HSD17B12: variants seen among roughly 807,000 people sequenced by gnomAD.
HSD17B12 encodes very-long-chain 3-oxoacyl-CoA reductase.
HSD17B12 carries 32 observed loss-of-function variants against 39.3 expected under a neutral mutation model. The observed-to-expected ratio is 0.81, with a 90% CI of 0.61 to 1.09. The LOEUF (loss-of-function observed/expected upper bound fraction) is 1.09, where lower values mean the gene tolerates loss of function less well. HSD17B12 is among the 50% of genes least tolerant of loss of function. The pLI is 0.00. For missense variants in HSD17B12, 342 were observed against 382.9 expected (o/e 0.89, Z 0.89); for synonymous variants, 150 against 146.7 (o/e 1.02, Z -0.16).
chr11:43,750,862 T>C lies in HSD17B12; in HGVS notation c.161-49T>C, dbSNP rs374207124. 5.1e-6 allele frequency: 7 copies of C among 1,378,404 alleles called. No homozygotes were observed. In the African/African-American group the frequency reaches 8.7e-5, roughly 17 times the overall value. 85.4% of individuals were successfully genotyped at this position (1,378,404 alleles called of 1,614,324 possible). A position where few individuals can be genotyped will look rare whatever the true frequency, so the allele number is the denominator to read the frequency against. On this transcript the variant is annotated intron_variant, in intron 1 of 10. Transcript: ENST00000278353. ...TTGGTGGGTCCTAACTATGACCAAT[T>C]CCTCAATGTAATTCTTAGACTAAAC...
At chr11:43,713,300 C>T (rs1370945004) in intron 1 of HSD17B12, among the ~76,000 whole-genome samples, 1 of 125,206 alleles carries the variant, frequency 8.0e-6, no homozygotes, top group Non-Finnish European at 1.6e-5. Context: ...TACAACAGGC[C>T]CCAGTGTGTG....
At chr11:43,587,629 G>A in the HSD17B12 span, among the ~76,000 whole-genome samples, 1 of 152,246 alleles carries the variant, frequency 6.6e-6, no homozygotes, top group Non-Finnish European at 1.5e-5. Flanking sequence ...AGGCAAGGCA[G>A]ACGTGGAGCT....
intron 3 of HSD17B12, among the ~76,000 whole-genome samples, chr11:43,791,004 A>G (rs1565090869): frequency 6.6e-6 from 1 of 151,890 alleles, no homozygotes; most frequent in Admixed American, 6.6e-5. Context: ...CAAAAAAACA[A>G]AAAACAAAAT....
chr11:43,733,181 T>C (rs115293841), intron 1 of HSD17B12, among the ~76,000 whole-genome samples: 1 of 152,268 alleles, frequency 6.6e-6, no homozygotes, highest in Non-Finnish European at 1.5e-5. Context: ...CAGTGCATTA[T>C]TGCTGAATGC....
chr11:43,597,462 G>A, the HSD17B12 span, among the ~76,000 whole-genome samples: 2 of 152,134 alleles, frequency 1.3e-5, no homozygotes, highest in African/African-American at 4.8e-5. Flanking sequence ...AAGGACTTTG[G>A]ACTAATTTTT....
At chr11:43,748,120 G>A (rs1233509791) in intron 1 of HSD17B12, among the ~76,000 whole-genome samples, 1 of 152,138 alleles carries the variant, frequency 6.6e-6, no homozygotes, top group African/African-American at 2.4e-5. Flanking sequence ...TTGGATTCCT[G>A]TGCCTCTAAA....
At chr11:43,681,147 GTCT>G in intron 1 of HSD17B12, 160 bp downstream of exon 1, 3 of 1,416,006 alleles carry the variant, frequency 2.1e-6, no homozygotes, top group Non-Finnish European at 2.8e-6. Context: ...TCCCTTGGCT[GTCT>G]TCTGCTTGCT....
the HSD17B12 span, among the ~76,000 whole-genome samples, chr11:43,631,864 C>G: frequency 6.6e-6 from 1 of 152,088 alleles, no homozygotes; most frequent in Non-Finnish European, 1.5e-5. Context: ...ATCGCGGCTT[C>G]GGCTACGGAC....
chr11:43,641,923 T>G, the HSD17B12 span, among the ~76,000 whole-genome samples: 2 of 152,000 alleles, frequency 1.3e-5, no homozygotes, highest in East Asian at 1.9e-4. Flanking sequence ...GTTTCAGAAA[T>G]TATAGAATCT....
intron 1 of HSD17B12, among the ~76,000 whole-genome samples, chr11:43,721,368 C>G (rs1235771290): frequency 1.3e-5 from 2 of 152,032 alleles, no homozygotes; most frequent in Non-Finnish European, 2.9e-5. Flanking sequence ...CCTGTAATCT[C>G]AGCACGTTTG....
intron 9 of HSD17B12, among the ~76,000 whole-genome samples, chr11:43,847,087 TAG>T (rs3049231): frequency 0.65 from 99,449 of 151,912 alleles, 32,890 homozygotes; most frequent in East Asian, 0.75. Context: ...TGGGGAAGTG[TAG>T]AGAGAATGTA....
At chr11:43,633,810 C>T in the HSD17B12 span, among the ~76,000 whole-genome samples, 3 of 151,934 alleles carry the variant, frequency 2.0e-5, no homozygotes, top group African/African-American at 7.2e-5. Flanking sequence ...CACGGTGGCT[C>T]ACACTTGTAA....
chr11:43,747,960 G>C (rs928735100), intron 1 of HSD17B12, among the ~76,000 whole-genome samples: 2 of 152,100 alleles, frequency 1.3e-5, no homozygotes, highest in Non-Finnish European at 2.9e-5. Flanking sequence ...GTGGTGTTGA[G>C]GCTGGTCCCC....
At chr11:43,805,994 A>T (rs542752647) in intron 4 of HSD17B12, among the ~76,000 whole-genome samples, 1 of 152,356 alleles carries the variant, frequency 6.6e-6, no homozygotes, top group Non-Finnish European at 1.5e-5. Context: ...AGTCAGGATT[A>T]GTCAAATGAA....
the HSD17B12 span, among the ~76,000 whole-genome samples, chr11:43,602,818 T>C: frequency 6.6e-6 from 1 of 151,716 alleles, no homozygotes; most frequent in Non-Finnish European, 1.5e-5. Flanking sequence ...GGAACATGGA[T>C]TGAGGTAGAA....
chr11:43,624,323 C>T, the HSD17B12 span, among the ~76,000 whole-genome samples: 4 of 151,814 alleles, frequency 2.6e-5, no homozygotes, highest in Non-Finnish European at 5.9e-5. Context: ...GATATGCAAA[C>T]GTTACATTAG....
At chr11:43,734,479 C>T (rs1950298558) in intron 1 of HSD17B12, 2 of 657,414 alleles carry the variant, frequency 3.0e-6, no homozygotes, top group African/African-American at 3.6e-5. Context: ...AGCTGGAAGT[C>T]GTGGAGGACA....
chr11:43,737,664 A>C (rs917578810), intron 1 of HSD17B12, among the ~76,000 whole-genome samples: 7 of 152,192 alleles, frequency 4.6e-5, no homozygotes, highest in Non-Finnish European at 1.0e-4. Context: ...GTGATACCAT[A>C]TAGCTTTTTT....
At chr11:43,828,635 G>C (rs373739719) in intron 6 of HSD17B12, among the ~76,000 whole-genome samples, 4 of 152,228 alleles carry the variant, frequency 2.6e-5, no homozygotes, top group African/African-American at 4.8e-5. Context: ...TTCTGGTGCA[G>C]CAATTATCAC....
Sources: allele counts gnomAD v4.1 joint callset (sites outside exome capture counted in the v4.1 genomes callset), GRCh38; gene constraint gnomAD v4.1.1; transcripts MANE v1.5; gene names NCBI Gene and HGNC (gene_info 2026-07-23, HGNC 2026-07-21).